The following VPS39 variants were observed in gnomAD, a reference collection of about 807,000 sequenced individuals.
The protein encoded by VPS39 is vam6/Vps39-like protein.
A neutral mutation model predicts 121.0 loss-of-function variants in VPS39; 70 were observed. The observed-to-expected ratio is 0.58, with a 90% CI of 0.48 to 0.71. The LOEUF is 0.71. VPS39 is among the 30% of genes least tolerant of loss of function. VPS39 has a pLI of 0.00. For missense variants in VPS39, 818 were observed against 1,051.5 expected (o/e 0.78, Z 3.07); for synonymous variants, 378 against 398.1 (o/e 0.95, Z 0.60).
intron 5 of VPS39, 51 bp from the exon 6 acceptor site, chr15:42,187,907 G>T: frequency 1.3e-6 from 2 of 1,506,962 alleles, no homozygotes; most frequent in Non-Finnish European, 1.8e-6. Flanking sequence ...CTCTCTAACT[G>T]AGTGATAACT....
chr15:42,178,740 G>C, intron 8 of VPS39, 170 bp from the exon 9 acceptor site: 2 of 999,826 alleles, frequency 2.0e-6, no homozygotes, highest in Non-Finnish European at 2.8e-6. Flanking sequence ...AAAAAAAATT[G>C]GCCTGTAATC....
chr15:42,174,392 A>G (rs1478457800), intron 10 of VPS39, among the ~76,000 whole-genome samples: 2 of 152,242 alleles, frequency 1.3e-5, no homozygotes, highest in Non-Finnish European at 2.9e-5. Flanking sequence ...CCTAACCGGT[A>G]ATCTTGAAAA....
chr15:42,181,033 G>A (rs2049570375), intron 8 of VPS39, among the ~76,000 whole-genome samples: 1 of 152,140 alleles, frequency 6.6e-6, no homozygotes, highest in African/African-American at 2.4e-5. Flanking sequence ...ATTCAAAACA[G>A]TTGAAAATCA....
intron 11 of VPS39, among the ~76,000 whole-genome samples, chr15:42,172,325 C>A (rs920792283): frequency 6.6e-6 from 1 of 152,184 alleles, no homozygotes; most frequent in Non-Finnish European, 1.5e-5. Flanking sequence ...CTGGCTCCAG[C>A]CAGCACCACT....
chr15:42,179,586 T>C (rs1435339458), intron 8 of VPS39, among the ~76,000 whole-genome samples: 1 of 88,580 alleles, frequency 1.1e-5, no homozygotes, highest in Admixed American at 1.3e-4. Flanking sequence ...AATAAATAAA[T>C]AAATAAATAA....
intron 18 of VPS39, 43 bp downstream of exon 18, chr15:42,164,953 C>T: frequency 6.2e-7 from 1 of 1,613,012 alleles, no homozygotes; most frequent in East Asian, 2.2e-5. Context: ...CTGTGCTCTC[C>T]TCTAAGGCCT....
At chr15:42,195,894 G>A (rs1010946964) in intron 2 of VPS39, among the ~76,000 whole-genome samples, 9 of 152,172 alleles carry the variant, frequency 5.9e-5, no homozygotes, top group Non-Finnish European at 1.2e-4. Context: ...CAAAGCTGGA[G>A]GCGTCACGCT....
Position 42,184,665 on chromosome 15 carries a change from TGGAAA to T in VPS39, c.565_569del (p.Phe189AsnfsTer23). On this transcript the variant is annotated frameshift_variant, in exon 8 of 25. Coordinates refer to ENST00000318006, the MANE Select transcript of VPS39 (RefSeq NM_015289.5). LOFTEE classifies it high-confidence loss of function. ...CTAAGGGCTCCAGCTGTTTTCCTGTTGGAAAGAGCTCTTTGATGGACCCCTTTCCA... is the reference window on the plus strand; with the variant it reads ...CTAAGGGCTCCAGCTGTTTTCCTGTTGAGCTCTTTGATGGACCCCTTTCCA... 1 of 1,613,954 alleles carries T rather than the reference TGGAAA, an allele frequency of 6.2e-7. No individual in the cohort carries two copies. Among genetic ancestry groups the T allele is most frequent in the Non-Finnish European group, 8.5e-7 (1 of 1,179,896 alleles).
chr15:42,185,178 C>CTTTT (rs34792839), intron 7 of VPS39, among the ~76,000 whole-genome samples: 3 of 136,234 alleles, frequency 2.2e-5, no homozygotes, highest in Non-Finnish European at 3.2e-5. Flanking sequence ...TTGAAAACAA[C>CTTTT]TTTTTTTTTT....
At chr15:42,165,504 A>T (rs1334297691) in intron 17 of VPS39, 1 of 503,990 alleles carries the variant, frequency 2.0e-6, no homozygotes, top group Non-Finnish European at 3.5e-6. Context: ...CTAAAACATT[A>T]TTCTTTTATC....
intron 4 of VPS39, among the ~76,000 whole-genome samples, chr15:42,189,794 CTTTTT>C (rs34353468): frequency 2.1e-4 from 7 of 34,026 alleles, no homozygotes; most frequent in East Asian, 1.4e-3. Context: ...CCAAAACACT[CTTTTT>C]TTTTTTTTTT....
At chr15:42,180,520 C>G (rs1255978543) in intron 8 of VPS39, among the ~76,000 whole-genome samples, 1 of 152,144 alleles carries the variant, frequency 6.6e-6, no homozygotes, top group Non-Finnish European at 1.5e-5. Flanking sequence ...AGCAGACTGA[C>G]AAAACCATAA....
chr15:42,177,734 T>G (rs1222807100), intron 10 of VPS39, among the ~76,000 whole-genome samples: 1 of 152,226 alleles, frequency 6.6e-6, no homozygotes, highest in Admixed American at 6.5e-5. Flanking sequence ...TGGCATGATC[T>G]TGGCTCACCG....
chr15:42,191,582 T>C (rs1182349309), intron 2 of VPS39, 22 bp from the exon 3 acceptor site: 8 of 1,606,748 alleles, frequency 5.0e-6, no homozygotes, highest in East Asian at 2.2e-5. Flanking sequence ...AAATAAACAC[T>C]GGTAGTTCCA....
At position 42,179,617 on chromosome 15, in the gene VPS39, AT is replaced by A. The variant is rs1453007911; in HGVS notation, c.719-1048del. Reference sequence around the variant, plus strand: ...AATAAATAAATAAATAAATAAATAAATAAATAAAATAAAAAATAAAAAAAAA... The same window carrying A: ...AATAAATAAATAAATAAATAAATAAAAAATAAAATAAAAAATAAAAAAAAA... On this transcript the variant is annotated intron_variant, in intron 8 of 24. Coordinates refer to ENST00000318006, the MANE Select transcript of VPS39 (RefSeq NM_015289.5). Among the ~76,000 whole-genome samples, 7 of 147,862 alleles carry A rather than the reference AT, an allele frequency of 4.7e-5. 1 individual carries two copies. The highest frequency in any genetic ancestry group is 3.9e-4 in the East Asian group (2 of 5,160).
intron 11 of VPS39, 142 bp from the exon 12 acceptor site, chr15:42,170,008 C>T (rs1283018942): frequency 1.5e-5 from 15 of 991,306 alleles, no homozygotes; most frequent in Non-Finnish European, 1.9e-5. Flanking sequence ...AAACATTCAA[C>T]GAGCTGTAGA....
At chr15:42,202,727 AG>A (rs1029640021) in intron 1 of VPS39, among the ~76,000 whole-genome samples, 3 of 152,174 alleles carry the variant, frequency 2.0e-5, no homozygotes, top group Admixed American at 1.3e-4. Context: ...CAAGTCGGCC[AG>A]GGTCTATCAA....
intron 10 of VPS39, among the ~76,000 whole-genome samples, chr15:42,176,979 A>G (rs1363980901): frequency 6.6e-6 from 1 of 151,976 alleles, no homozygotes; most frequent in Non-Finnish European, 1.5e-5. Flanking sequence ...CCTGGGCAAC[A>G]AAGTGAGACC....
intron 8 of VPS39, 29 bp from the exon 9 acceptor site, chr15:42,178,599 T>C (rs921877068): frequency 6.2e-7 from 1 of 1,612,566 alleles, no homozygotes; most frequent in African/African-American, 1.3e-5. Context: ...ACAGCAGTTG[T>C]TCCGGTCTAA....
Sources: gnomAD v4.1 joint callset for allele counts (sites outside exome capture counted in the v4.1 genomes callset) on GRCh38, gnomAD v4.1.1 for gene constraint, MANE v1.5 for transcripts, NCBI Gene and HGNC (gene_info 2026-07-23, HGNC 2026-07-21) for gene names.